The following PABPC4L variants were observed in gnomAD, a reference collection of about 807,000 sequenced individuals.
PABPC4L encodes poly(A) binding protein cytoplasmic 4 like.
For missense variants in PABPC4L, 452 were observed against 451.4 expected, an observed-to-expected ratio of 1.00 and a Z score of -0.01; for synonymous variants, 169 against 164.1, an observed-to-expected ratio of 1.03 and a Z score of -0.23.
chr4:133,974,068 A>T, the PABPC4L span, among the ~76,000 whole-genome samples: 1 of 152,298 alleles, frequency 6.6e-6, no homozygotes. Context: ...CTTGAAAAGT[A>T]AAAACAATGT....
the PABPC4L span, among the ~76,000 whole-genome samples, chr4:134,151,009 T>G: frequency 6.6e-6 from 1 of 152,092 alleles, no homozygotes; most frequent in East Asian, 1.9e-4. Flanking sequence ...TACACAAACA[T>G]GTAAAGTGAC....
the PABPC4L span, among the ~76,000 whole-genome samples, chr4:134,033,917 T>C: frequency 6.6e-6 from 1 of 151,984 alleles, no homozygotes; most frequent in Non-Finnish European, 1.5e-5. Flanking sequence ...GCTAAGATAA[T>C]TGATAAAGGT....
chr4:133,994,942 G>A, the PABPC4L span, among the ~76,000 whole-genome samples: 1 of 152,138 alleles, frequency 6.6e-6, no homozygotes, highest in East Asian at 1.9e-4. Context: ...CCAGATCCCG[G>A]TTGCAACCTT....
At chr4:134,008,500 C>T in the PABPC4L span, among the ~76,000 whole-genome samples, 3 of 151,146 alleles carry the variant, frequency 2.0e-5, no homozygotes, top group Non-Finnish European at 4.4e-5. Flanking sequence ...AACATGAAAA[C>T]AACAGCTTGT....
the PABPC4L span, among the ~76,000 whole-genome samples, chr4:134,083,782 T>C: frequency 4.6e-5 from 7 of 152,286 alleles, no homozygotes; most frequent in African/African-American, 1.7e-4. Flanking sequence ...ATCAGAATAA[T>C]ACATACATTC....
the PABPC4L span, among the ~76,000 whole-genome samples, chr4:134,157,536 G>A: frequency 1.3e-5 from 2 of 151,620 alleles, no homozygotes; most frequent in African/African-American, 2.4e-5. Context: ...TGCAGTTGGT[G>A]TTTAAAGAAA....
At chr4:134,056,707 T>C in the PABPC4L span, among the ~76,000 whole-genome samples, 1 of 152,028 alleles carries the variant, frequency 6.6e-6, no homozygotes, top group Non-Finnish European at 1.5e-5. Context: ...TACTTAGAAA[T>C]ACAATTGATT....
the PABPC4L span, among the ~76,000 whole-genome samples, chr4:133,976,406 C>T: frequency 6.6e-6 from 1 of 152,214 alleles, no homozygotes; most frequent in Admixed American, 6.6e-5. Context: ...ACTAGTGCTG[C>T]AATGAACATA....
At chr4:134,190,096 C>A in the PABPC4L span, among the ~76,000 whole-genome samples, 1 of 152,152 alleles carries the variant, frequency 6.6e-6, no homozygotes, top group Non-Finnish European at 1.5e-5. Flanking sequence ...GGCTTATCTG[C>A]ATTAAGCCAT....
At chr4:134,006,705 C>T in the PABPC4L span, among the ~76,000 whole-genome samples, 14 of 151,920 alleles carry the variant, frequency 9.2e-5, no homozygotes, top group East Asian at 1.9e-4. Context: ...CTTATATTTA[C>T]GAGTCTATTT....
chr4:133,987,082 G>C, the PABPC4L span, among the ~76,000 whole-genome samples: 2 of 152,110 alleles, frequency 1.3e-5, no homozygotes, highest in African/African-American at 4.8e-5. Context: ...ACTGGCTTGA[G>C]CTACAAATGT....
At chr4:134,005,141 G>T in the PABPC4L span, among the ~76,000 whole-genome samples, 1 of 151,876 alleles carries the variant, frequency 6.6e-6, no homozygotes. Context: ...TGAGGTGATG[G>T]ATATGTTAAT....
chr4:134,104,367 C>G, the PABPC4L span, among the ~76,000 whole-genome samples: 1 of 151,728 alleles, frequency 6.6e-6, no homozygotes, highest in African/African-American at 2.4e-5. Flanking sequence ...GGTGTTCTTT[C>G]TTGAGCAGCA....
At chr4:134,132,059 A>G in the PABPC4L span, among the ~76,000 whole-genome samples, 2 of 152,016 alleles carry the variant, frequency 1.3e-5, no homozygotes, top group Non-Finnish European at 2.9e-5. Context: ...GTACAAAAAT[A>G]AGCTCAAGAT....
At chr4:134,193,766 G>A (rs1358175436), downstream of PABPC4L, among the ~76,000 whole-genome samples, 2 of 151,496 alleles carry the variant, frequency 1.3e-5, no homozygotes, top group African/African-American at 2.4e-5. Context: ...CCTAGAGAGA[G>A]GTATAAAAGA....
the PABPC4L span, among the ~76,000 whole-genome samples, chr4:134,185,230 C>A: frequency 1.3e-5 from 2 of 150,820 alleles, no homozygotes; most frequent in African/African-American, 4.9e-5. Context: ...CTCTCCACAA[C>A]AAAAAAAAGA....
chr4:133,984,343 TGTG>T, the PABPC4L span, among the ~76,000 whole-genome samples: 966 of 151,894 alleles, frequency 6.4e-3, 11 homozygotes, highest in African/African-American at 0.022. Context: ...TTTTTTAAAT[TGTG>T]GTCTCATTTT....
the PABPC4L span, among the ~76,000 whole-genome samples, chr4:134,170,531 A>G: frequency 1.3e-5 from 2 of 152,108 alleles, no homozygotes; most frequent in East Asian, 1.9e-4. Flanking sequence ...TTCTGGTGTG[A>G]TCTCAGGAAA....
the PABPC4L span, among the ~76,000 whole-genome samples, chr4:134,070,062 T>C: frequency 2.6e-5 from 4 of 151,464 alleles, no homozygotes; most frequent in Non-Finnish European, 5.9e-5. Context: ...GATGGATTTA[T>C]GCTACATTTC....
Sources: gnomAD v4.1 joint callset for allele counts (sites outside exome capture counted in the v4.1 genomes callset) on GRCh38, gnomAD v4.1.1 for gene constraint, MANE v1.5 for transcripts, NCBI Gene and HGNC (gene_info 2026-07-23, HGNC 2026-07-21) for gene names.